Variants in MAPK4 observed in about 807,000 individuals in gnomAD.
The protein encoded by MAPK4 is mitogen-activated protein kinase 4.
Under a neutral mutation model 47.7 loss-of-function variants are expected in MAPK4, and 22 were observed. The observed-to-expected ratio is 0.46, with a 90% CI of 0.33 to 0.66. MAPK4 has a LOEUF of 0.66. Ranked by LOEUF, MAPK4 falls within the 30% of genes least tolerant of loss-of-function variation. The pLI, the probability that MAPK4 is intolerant of heterozygous loss-of-function variation, is 0.02. For missense variants in MAPK4, 736 were observed against 831.7 expected (o/e 0.88, Z 1.42); for synonymous variants, 390 against 365.7 (o/e 1.07, Z -0.76).
In MAPK4 at chr18:50,730,358, T is replaced by A. The variant is rs1911496588; in HGVS notation, c.*504T>A. ...CAGGGTCTGTCCACCATAGAATGTC[T>A]TCCTCTACTGGGGTCGTTCTGGCTT... On this transcript the variant is annotated 3_prime_UTR_variant, in exon 6 of 6. Transcript: ENST00000400384. 6.5e-6 allele frequency: 1 copy of A among 153,282 alleles called. No individual in the cohort carries two copies. 9.5% of individuals were successfully genotyped at this position (153,282 alleles called of 1,614,324 possible). A position where few individuals can be genotyped will look rare whatever the true frequency, so the allele number is the denominator to read the frequency against.
At chr18:50,611,609 C>T (rs2042634225) in intron 1 of MAPK4, among the ~76,000 whole-genome samples, 1 of 152,202 alleles carries the variant, frequency 6.6e-6, no homozygotes, top group African/African-American at 2.4e-5. Context: ...GAGAGCTGCC[C>T]ATCTCTCTGA....
rs1227711215 is a variant in MAPK4 at position 50,731,337 on chromosome 18, C to T, written c.*1483C>T. 1 of 152,284 alleles carries T rather than the reference C, an allele frequency of 6.6e-6. No homozygotes were observed. The highest frequency in any genetic ancestry group is 2.4e-5 in the African/African-American group (1 of 41,434). 9.4% of individuals were successfully genotyped at this position (152,284 alleles called of 1,614,324 possible). A position where few individuals can be genotyped will look rare whatever the true frequency, so the allele number is the denominator to read the frequency against. ...CCCAGGAACATTCTACCATTTCTGC[C>T]ACTGGTGTTCAGCTCCTTCTCTTCC... is the stretch of plus-strand genomic sequence containing the variant. On this transcript the variant is annotated 3_prime_UTR_variant, in exon 6 of 6. Coordinates refer to ENST00000400384, the MANE Select transcript of MAPK4 (RefSeq NM_002747.4).
intron 1 of MAPK4, among the ~76,000 whole-genome samples, chr18:50,568,921 T>C (rs2042226144): frequency 6.6e-6 from 1 of 152,244 alleles, no homozygotes; most frequent in African/African-American, 2.4e-5. Flanking sequence ...AAATCTGCAA[T>C]GTTACTTTTT....
chr18:50,637,725 A>G (rs2042900104), intron 1 of MAPK4, among the ~76,000 whole-genome samples: 1 of 152,194 alleles, frequency 6.6e-6, no homozygotes, highest in African/African-American at 2.4e-5. Context: ...GAAGTCCAAG[A>G]TCACAGTGTT....
At chr18:50,720,255 C>G (rs916174650) in intron 3 of MAPK4, among the ~76,000 whole-genome samples, 1 of 152,020 alleles carries the variant, frequency 6.6e-6, no homozygotes, top group Non-Finnish European at 1.5e-5. Context: ...TCTCTCAAAG[C>G]CACTCTTCCC....
chr18:50,722,492 C>T (rs1910986049), intron 4 of MAPK4, among the ~76,000 whole-genome samples: 1 of 152,202 alleles, frequency 6.6e-6, no homozygotes. Flanking sequence ...AGCTGTGTGG[C>T]CTCAGGCAAG....
chr18:50,653,213 C>T (rs1048335027), intron 1 of MAPK4, among the ~76,000 whole-genome samples: 2 of 151,746 alleles, frequency 1.3e-5, no homozygotes, highest in Non-Finnish European at 2.9e-5. Flanking sequence ...AAAAAAGAAC[C>T]AGGCGAAGAG....
chr18:50,671,803 T>C (rs1907970605), intron 2 of MAPK4, among the ~76,000 whole-genome samples: 1 of 150,490 alleles, frequency 6.6e-6, no homozygotes, highest in East Asian at 1.9e-4. Context: ...GATGGGAGGA[T>C]CACTTGAGCC....
intron 1 of MAPK4, among the ~76,000 whole-genome samples, chr18:50,581,473 G>T (rs1482314619): frequency 1.3e-5 from 2 of 152,138 alleles, no homozygotes; most frequent in African/African-American, 4.8e-5. Flanking sequence ...AGCAGTTACG[G>T]TACCTCTACA....
chr18:50,717,429 G>A (rs1195674239), intron 3 of MAPK4, among the ~76,000 whole-genome samples: 1 of 152,092 alleles, frequency 6.6e-6, no homozygotes, highest in Non-Finnish European at 1.5e-5. Context: ...AGCACTCATG[G>A]CCTGCATTGG....
intron 1 of MAPK4, among the ~76,000 whole-genome samples, chr18:50,601,289 G>A (rs1307396635): frequency 7.7e-6 from 1 of 129,668 alleles, no homozygotes; most frequent in Non-Finnish European, 1.6e-5. Context: ...AGCCAAGATT[G>A]TGCCACTGCA....
At chr18:50,673,256 G>A (rs577892376) in intron 2 of MAPK4, among the ~76,000 whole-genome samples, 3 of 152,264 alleles carry the variant, frequency 2.0e-5, no homozygotes, top group Non-Finnish European at 4.4e-5. Context: ...CAGCCTAAGC[G>A]AAAGAGTGAA....
intron 2 of MAPK4, among the ~76,000 whole-genome samples, chr18:50,713,775 G>C (rs1019359550): frequency 6.6e-6 from 1 of 152,260 alleles, no homozygotes; most frequent in Non-Finnish European, 1.5e-5. Context: ...AAGGACAGAA[G>C]AAGAGGGCAC....
intron 2 of MAPK4, among the ~76,000 whole-genome samples, chr18:50,700,931 C>A (rs1909752965): frequency 2.6e-5 from 4 of 152,074 alleles, no homozygotes; most frequent in Admixed American, 2.6e-4. Flanking sequence ...AAATTCTCAC[C>A]AGCTTGTTTA....
chr18:50,708,956 G>T (rs537254788), intron 2 of MAPK4, among the ~76,000 whole-genome samples: 57 of 152,296 alleles, frequency 3.7e-4, no homozygotes, highest in African/African-American at 1.3e-3. Flanking sequence ...AGATAAAACT[G>T]TCTGAGGAGC....
At chr18:50,714,869 T>C (rs34751126) in intron 2 of MAPK4, among the ~76,000 whole-genome samples, 46,880 of 152,110 alleles carry the variant, frequency 0.31, 8,797 homozygotes, top group Non-Finnish European at 0.42. Flanking sequence ...TAAGATTCTC[T>C]CACCAAAGCA....
intron 1 of MAPK4, among the ~76,000 whole-genome samples, chr18:50,577,520 G>A (rs1444656763): frequency 6.6e-6 from 1 of 152,118 alleles, no homozygotes; most frequent in African/African-American, 2.4e-5. Context: ...AGCTGCTTAG[G>A]TGATTCAAAT....
At chr18:50,627,869 C>T (rs926581637) in intron 1 of MAPK4, among the ~76,000 whole-genome samples, 12 of 152,126 alleles carry the variant, frequency 7.9e-5, no homozygotes, top group African/African-American at 1.2e-4. Context: ...GCAAGTCTGG[C>T]GACAGCAGCA....
chr18:50,623,575 C>CT (rs2042750983), intron 1 of MAPK4, among the ~76,000 whole-genome samples: 1 of 152,202 alleles, frequency 6.6e-6, no homozygotes, highest in Non-Finnish European at 1.5e-5. Context: ...ACACTGAAGT[C>CT]TAAGCCACCA....
Sources: allele counts gnomAD v4.1 joint callset (sites outside exome capture counted in the v4.1 genomes callset), GRCh38; gene constraint gnomAD v4.1.1; transcripts MANE v1.5; gene names NCBI Gene and HGNC (gene_info 2026-07-23, HGNC 2026-07-21).